The following ZNF804B variants were observed in gnomAD, a reference collection of about 807,000 sequenced individuals.
The protein encoded by ZNF804B is zinc finger 804B.
ZNF804B carries 80 observed loss-of-function variants against 101.4 expected under a neutral mutation model. The observed-to-expected ratio is 0.79, with a 90% CI of 0.66 to 0.95. The LOEUF is 0.95. ZNF804B is among the 40% of genes least tolerant of loss of function. The probability of loss-of-function intolerance (pLI) is 0.00; values close to 1 mark genes in which losing one functional copy is unlikely to be tolerated. For missense variants in ZNF804B, 1,673 were observed against 1,561.9 expected (o/e 1.07, Z -1.20); for synonymous variants, 622 against 558.8 (o/e 1.11, Z -1.59).
intron 1 of ZNF804B, among the ~76,000 whole-genome samples, chr7:88,823,533 T>C (rs1791013321): frequency 6.6e-6 from 1 of 150,828 alleles, no homozygotes; most frequent in Non-Finnish European, 1.5e-5. Context: ...ATTTTAGGGG[T>C]CTGACAGGGG....
Position 88,949,115 on chromosome 7 carries a change from C to T in ZNF804B, c.108+189031C>T, listed in dbSNP as rs532158695. Among the ~76,000 whole-genome samples, 4 of 151,738 alleles carry T rather than the reference C, an allele frequency of 2.6e-5. No individual in the cohort carries two copies. In the East Asian group the frequency reaches 7.8e-4, roughly 30 times the overall value. On this transcript the variant is annotated intron_variant, in intron 1 of 3. Transcript: ENST00000333190. Reference sequence around the variant, plus strand: ...TATTCTGTTCTGTTAATCTTTACAACTACTTTTCCACTAATACCAGAGATA... The same window carrying T: ...TATTCTGTTCTGTTAATCTTTACAATTACTTTTCCACTAATACCAGAGATA...
intron 3 of ZNF804B, among the ~76,000 whole-genome samples, chr7:89,332,022 A>G (rs963093613): frequency 6.6e-6 from 1 of 151,342 alleles, no homozygotes. Flanking sequence ...ATATACATGT[A>G]TATATACTCT....
chr7:89,335,310 G>T lies in ZNF804B; in HGVS notation c.2328G>T (p.Gln776His), dbSNP rs778181788. ...ATATAACAAAGAGCAGCCAAATGCA[G>T]TCTGAACCACAGAAAGAGAGGAACT... ...SDDITKSSQMQSEPQKERNCK... is the reference protein window; with the variant it reads ...SDDITKSSQMHSEPQKERNCK... The change falls in exon 4 of 4, where the codon CAG (glutamine) becomes CAT (histidine). Residue 776 changes from glutamine to histidine, a missense_variant. Transcript: ENST00000333190. 3 of 1,613,580 alleles carry T rather than the reference G, an allele frequency of 1.9e-6. No homozygotes were observed. Among genetic ancestry groups the T allele is most frequent in the South Asian group, 1.1e-5 (1 of 91,088 alleles).
At chr7:88,947,179 CA>C (rs757812726) in intron 1 of ZNF804B, among the ~76,000 whole-genome samples, 17 of 152,006 alleles carry the variant, frequency 1.1e-4, no homozygotes, top group African/African-American at 4.1e-4. Context: ...ATACCCAAAA[CA>C]TTATAAATCA....
At chr7:89,093,986 A>G (rs913288957) in intron 1 of ZNF804B, among the ~76,000 whole-genome samples, 1 of 152,250 alleles carries the variant, frequency 6.6e-6, no homozygotes, top group Non-Finnish European at 1.5e-5. Flanking sequence ...GCCCACCAGG[A>G]TAGGTGACCT....
At chr7:89,129,350 C>T (rs1161791046) in intron 1 of ZNF804B, among the ~76,000 whole-genome samples, 1 of 151,804 alleles carries the variant, frequency 6.6e-6, no homozygotes, top group Non-Finnish European at 1.5e-5. Flanking sequence ...CCAGTAAGTC[C>T]AAAATTAAAA....
chr7:89,033,115 C>G (rs1210142004), intron 1 of ZNF804B, among the ~76,000 whole-genome samples: 1 of 151,832 alleles, frequency 6.6e-6, no homozygotes. Context: ...CATCACCCCC[C>G]ACCACTTCCA....
intron 2 of ZNF804B, among the ~76,000 whole-genome samples, chr7:89,292,427 T>C (rs1288771902): frequency 6.6e-6 from 1 of 152,138 alleles, no homozygotes; most frequent in African/African-American, 2.4e-5. Context: ...GTAGAATTTT[T>C]ATTAGTTTTC....
chr7:88,981,404 C>T (rs1793692783), intron 1 of ZNF804B, among the ~76,000 whole-genome samples: 1 of 152,048 alleles, frequency 6.6e-6, no homozygotes, highest in Non-Finnish European at 1.5e-5. Flanking sequence ...TCTCCCCTCT[C>T]CTCTCCTCAG....
chr7:88,815,557 G>A (rs1255420936), intron 1 of ZNF804B, among the ~76,000 whole-genome samples: 1 of 151,716 alleles, frequency 6.6e-6, no homozygotes, highest in Non-Finnish European at 1.5e-5. Context: ...CTTCCCCCTT[G>A]TGGGCACCTT....
At chr7:89,200,919 C>A (rs975609018) in intron 1 of ZNF804B, among the ~76,000 whole-genome samples, 1 of 151,890 alleles carries the variant, frequency 6.6e-6, no homozygotes, top group East Asian at 1.9e-4. Context: ...TGTTTTACTT[C>A]CCCTTTTTTC....
intron 1 of ZNF804B, among the ~76,000 whole-genome samples, chr7:89,072,883 A>T (rs1172530456): frequency 6.6e-6 from 1 of 152,036 alleles, no homozygotes; most frequent in African/African-American, 2.4e-5. Context: ...TATCATAAAG[A>T]TATATGAGAG....
chr7:89,289,773 G>A (rs1790258104), intron 2 of ZNF804B, among the ~76,000 whole-genome samples: 1 of 152,182 alleles, frequency 6.6e-6, no homozygotes, highest in African/African-American at 2.4e-5. Context: ...AACTTAAAAA[G>A]TAGTCTAGGC....
chr7:89,116,907 A>T (rs1239418781), intron 1 of ZNF804B, among the ~76,000 whole-genome samples: 3 of 152,206 alleles, frequency 2.0e-5, no homozygotes. Flanking sequence ...TGCAGATATG[A>T]TTAAGAATTT....
At chr7:88,780,386 C>CTTTT (rs34619990) in intron 1 of ZNF804B, among the ~76,000 whole-genome samples, 50 of 111,170 alleles carry the variant, frequency 4.5e-4, no homozygotes, top group East Asian at 1.6e-3. Flanking sequence ...ACTTTTTTGT[C>CTTTT]TTTTTTTTTT....
At chr7:89,293,599 A>G (rs972313146) in intron 2 of ZNF804B, among the ~76,000 whole-genome samples, 1 of 152,000 alleles carries the variant, frequency 6.6e-6, no homozygotes, top group Non-Finnish European at 1.5e-5. Context: ...CCTGGCTAAT[A>G]TGGTGAAACC....
At chr7:88,882,856 A>G (rs1004163875) in intron 1 of ZNF804B, among the ~76,000 whole-genome samples, 1 of 152,088 alleles carries the variant, frequency 6.6e-6, no homozygotes, top group African/African-American at 2.4e-5. Context: ...GGGGACTATT[A>G]CAGCGGGGAA....
chr7:89,158,832 A>T (rs933140441), intron 1 of ZNF804B, among the ~76,000 whole-genome samples: 15 of 152,208 alleles, frequency 9.9e-5, no homozygotes, highest in Admixed American at 9.8e-4. Flanking sequence ...TATCACATTG[A>T]TAGTCATTTT....
At chr7:88,820,479 G>A (rs1790959691) in intron 1 of ZNF804B, among the ~76,000 whole-genome samples, 1 of 152,160 alleles carries the variant, frequency 6.6e-6, no homozygotes, top group African/African-American at 2.4e-5. Flanking sequence ...GTCAAGCCAT[G>A]AGCCTCCCTT....
Sources: gnomAD v4.1 joint callset for allele counts (sites outside exome capture counted in the v4.1 genomes callset) on GRCh38, gnomAD v4.1.1 for gene constraint, MANE v1.5 for transcripts, NCBI Gene and HGNC (gene_info 2026-07-23, HGNC 2026-07-21) for gene names.